Variants in MYO6 observed in about 807,000 individuals in gnomAD.
MYO6 encodes the protein myosin VI.
MYO6 carries 74 observed loss-of-function variants against 178.7 expected under a neutral mutation model. That is an observed-to-expected ratio of 0.41 (90% confidence interval 0.34 to 0.50). The LOEUF is 0.50. Ranked by LOEUF, MYO6 falls within the 20% of genes least tolerant of loss-of-function variation. The pLI is 0.09. For synonymous variants in MYO6, 477 were observed against 504.6 expected (o/e 0.95, Z 0.73); for missense variants, 1,330 against 1,547.4 (o/e 0.86, Z 2.36).
chr6:75,869,007 T>C (rs1776922969), intron 18 of MYO6, among the ~76,000 whole-genome samples: 1 of 151,948 alleles, frequency 6.6e-6, no homozygotes, highest in Non-Finnish European at 1.5e-5. Flanking sequence ...GTTGACTTTC[T>C]TCCCTCTTTT....
At chr6:75,790,634 C>T (rs1421060569) in intron 1 of MYO6, among the ~76,000 whole-genome samples, 1 of 152,184 alleles carries the variant, frequency 6.6e-6, no homozygotes, top group African/African-American at 2.4e-5. Flanking sequence ...CTGCCTCGGC[C>T]TCCCAATGTG....
chr6:75,806,635 C>A (rs919427219), intron 1 of MYO6, among the ~76,000 whole-genome samples: 1 of 152,188 alleles, frequency 6.6e-6, no homozygotes, highest in African/African-American at 2.4e-5. Context: ...GCAAGGAACA[C>A]CTGGCCCGCC....
intron 1 of MYO6, among the ~76,000 whole-genome samples, chr6:75,803,019 C>T (rs111476498): frequency 0.017 from 2,653 of 152,144 alleles, 69 homozygotes; most frequent in African/African-American, 0.06. Flanking sequence ...TACTTTTTGT[C>T]CATATTATTG....
At chr6:75,758,618 G>A (rs1413568808) in intron 1 of MYO6, among the ~76,000 whole-genome samples, 4 of 151,844 alleles carry the variant, frequency 2.6e-5, no homozygotes, top group Admixed American at 6.6e-5. Context: ...CCGCCACCAC[G>A]CCCAGCTAAT....
intron 1 of MYO6, among the ~76,000 whole-genome samples, chr6:75,758,285 G>A (rs547564445): frequency 6.6e-6 from 1 of 152,182 alleles, no homozygotes; most frequent in Non-Finnish European, 1.5e-5. Context: ...CAAGATTAAC[G>A]ACAATTTGCT....
chr6:75,815,546 A>G (rs985424567), intron 1 of MYO6, among the ~76,000 whole-genome samples: 2 of 152,210 alleles, frequency 1.3e-5, no homozygotes, highest in East Asian at 1.9e-4. Context: ...GTGTGGTAAT[A>G]TAAGTCTGAA....
At chr6:75,775,218 CCTCCCGGGATTT>C (rs1766263482) in intron 1 of MYO6, among the ~76,000 whole-genome samples, 1 of 152,150 alleles carries the variant, frequency 6.6e-6, no homozygotes, top group Admixed American at 6.5e-5. Context: ...TAAGTATAAT[CCTCCCGGGATTT>C]GGGATTTGTG....
intron 28 of MYO6, 111 bp from the exon 29 acceptor site, chr6:75,895,120 T>C (rs1170142841): frequency 1.4e-5 from 11 of 788,966 alleles, no homozygotes; most frequent in Non-Finnish European, 2.1e-6. Flanking sequence ...TTACAAATAA[T>C]TGAGTTTTTA....
At chr6:75,876,206 G>A (rs1777557706) in intron 20 of MYO6, among the ~76,000 whole-genome samples, 1 of 152,064 alleles carries the variant, frequency 6.6e-6, no homozygotes, top group Non-Finnish European at 1.5e-5. Flanking sequence ...TGAATTTGGG[G>A]TGCTGAGCTC....
At chr6:75,820,557 G>T (rs532636495) in intron 2 of MYO6, among the ~76,000 whole-genome samples, 1 of 152,206 alleles carries the variant, frequency 6.6e-6, no homozygotes, top group African/African-American at 2.4e-5. Context: ...TTTTAGTAGA[G>T]ATGGGGTTTC....
chr6:75,769,020 G>C (rs978402056), intron 1 of MYO6, among the ~76,000 whole-genome samples: 4 of 151,982 alleles, frequency 2.6e-5, no homozygotes, highest in African/African-American at 9.7e-5. Flanking sequence ...GGAGGGAAGT[G>C]CCACACTCTT....
chr6:75,831,576 G>GA (rs1469531773), intron 5 of MYO6, among the ~76,000 whole-genome samples: 3 of 152,000 alleles, frequency 2.0e-5, no homozygotes, highest in African/African-American at 7.2e-5. Flanking sequence ...TTTTTACTGC[G>GA]AAAAAACAAG....
rs1562328752 is a variant in MYO6, at chr6:75,918,582, T to C, written c.*3570T>C. 2 of 152,218 alleles carry C rather than the reference T, an allele frequency of 1.3e-5. No individual in the cohort carries two copies. The highest frequency in any genetic ancestry group is 2.4e-5 in the African/African-American group (1 of 41,454). 9.4% of individuals were successfully genotyped at this position (152,218 alleles called of 1,614,324 possible). ...CATACTGGAGAAGGTCAGCAGTAAA[T>C]AGGCATTCTGTACATAAGCCTCATG... On this transcript the variant is annotated 3_prime_UTR_variant, in exon 35 of 35. Transcript: ENST00000369977.
intron 19 of MYO6, among the ~76,000 whole-genome samples, 168 bp from the exon 20 acceptor site, chr6:75,873,039 G>T (rs1374008299): frequency 6.6e-6 from 1 of 152,156 alleles, no homozygotes; most frequent in African/African-American, 2.4e-5. Context: ...CTCCCAAAAT[G>T]CTGGATTACA....
chr6:75,759,031 G>A (rs1007288928), intron 1 of MYO6, among the ~76,000 whole-genome samples: 4 of 151,702 alleles, frequency 2.6e-5, no homozygotes, highest in East Asian at 1.9e-4. Flanking sequence ...CACCATGCCC[G>A]GCTAATTTTT....
intron 1 of MYO6, among the ~76,000 whole-genome samples, chr6:75,797,268 T>A (rs1227201659): frequency 6.6e-6 from 1 of 152,156 alleles, no homozygotes; most frequent in Non-Finnish European, 1.5e-5. Context: ...TTCATTTGTA[T>A]TTTTAGTAGA....
At chr6:75,894,977 AC>A (rs1779183056) in intron 28 of MYO6, 2 of 677,284 alleles carry the variant, frequency 3.0e-6, no homozygotes, top group African/African-American at 3.6e-5. Context: ...TTAAAAACAA[AC>A]CTCACAATAT....
chr6:75,792,777 A>G (rs960770575), intron 1 of MYO6, among the ~76,000 whole-genome samples: 3 of 151,770 alleles, frequency 2.0e-5, no homozygotes, highest in East Asian at 1.9e-4. Context: ...GTTTCTTTTC[A>G]TAATTATTTT....
At chr6:75,902,281 A>C (rs1227165714) in intron 30 of MYO6, among the ~76,000 whole-genome samples, 4 of 152,094 alleles carry the variant, frequency 2.6e-5, no homozygotes, top group Non-Finnish European at 5.9e-5. Flanking sequence ...TATTGATTGG[A>C]ATAGTTTCAG....
Sources: gnomAD v4.1 joint callset for allele counts (sites outside exome capture counted in the v4.1 genomes callset) on GRCh38, gnomAD v4.1.1 for gene constraint, MANE v1.5 for transcripts, NCBI Gene and HGNC (gene_info 2026-07-23, HGNC 2026-07-21) for gene names.